Variants in VTI1A observed in about 807,000 individuals in gnomAD.
The protein encoded by VTI1A is vesicle transport through interaction with t-SNAREs 1A.
In VTI1A, 22 loss-of-function variants were observed where a neutral mutation model predicts 34.9. The ratio of observed to expected loss-of-function variants is 0.63; its 90% CI spans 0.45 to 0.90. The LOEUF is 0.90. Ranked by LOEUF, VTI1A falls within the 40% of genes least tolerant of loss-of-function variation. The pLI, the probability that VTI1A is intolerant of heterozygous loss-of-function variation, is 0.00. For missense variants in VTI1A, 268 were observed against 275.6 expected, an observed-to-expected ratio of 0.97 and a Z score of 0.20; for synonymous variants, 87 against 97.3, an observed-to-expected ratio of 0.89 and a Z score of 0.62.
At chr10:112,561,570 G>A (rs561903138) in intron 5 of VTI1A, among the ~76,000 whole-genome samples, 1 of 152,126 alleles carries the variant, frequency 6.6e-6, no homozygotes, top group African/African-American at 2.4e-5. Context: ...TCAACATGAA[G>A]CTGTAAGCAT....
intron 5 of VTI1A, among the ~76,000 whole-genome samples, chr10:112,581,590 A>G (rs1042552751): frequency 6.6e-6 from 1 of 152,212 alleles, no homozygotes; most frequent in Non-Finnish European, 1.5e-5. Context: ...TATTAATAGT[A>G]AGCTCTTGAT....
At chr10:112,845,896 T>C in the VTI1A span, among the ~76,000 whole-genome samples, 6 of 152,096 alleles carry the variant, frequency 3.9e-5, no homozygotes, top group Admixed American at 3.9e-4. Context: ...CACGCACCTG[T>C]AATCCCAGCT....
chr10:112,814,091 A>G (rs1853421652), intron 7 of VTI1A, among the ~76,000 whole-genome samples: 1 of 152,220 alleles, frequency 6.6e-6, no homozygotes, highest in African/African-American at 2.4e-5. Context: ...TCATCCTTCC[A>G]GGAAATAAAC....
chr10:112,545,993 C>CGTGTATACACGTATGTGTGTGTATATAT (rs1851077521), intron 5 of VTI1A, among the ~76,000 whole-genome samples: 5 of 140,368 alleles, frequency 3.6e-5, no homozygotes, highest in African/African-American at 1.2e-4. Flanking sequence ...TGTGTATATA[C>CGTGTATACACGTATGTGTGTGTATATAT]GTGTATACGC....
At chr10:112,530,167 C>G (rs1308709531) in intron 4 of VTI1A, among the ~76,000 whole-genome samples, 1 of 152,070 alleles carries the variant, frequency 6.6e-6, no homozygotes, top group African/African-American at 2.4e-5. Flanking sequence ...TTCATTCAAT[C>G]AAATATAGCT....
intron 5 of VTI1A, chr10:112,634,217 C>T (rs1424025556): frequency 6.5e-6 from 1 of 154,616 alleles, no homozygotes; most frequent in African/African-American, 2.4e-5. Flanking sequence ...AAGACCACTT[C>T]GGTTCAAGGC....
the VTI1A span, among the ~76,000 whole-genome samples, chr10:112,843,438 G>A: frequency 1.3e-5 from 2 of 152,202 alleles, no homozygotes; most frequent in Non-Finnish European, 2.9e-5. Flanking sequence ...AAGGTGGTAC[G>A]ACTGATTAGC....
chr10:112,520,699 T>C (rs1234741714), intron 3 of VTI1A, among the ~76,000 whole-genome samples: 1 of 149,930 alleles, frequency 6.7e-6, no homozygotes, highest in Non-Finnish European at 1.5e-5. Flanking sequence ...CATATAAATA[T>C]TCACATATGA....
At chr10:112,666,140 T>C (rs552483809) in intron 5 of VTI1A, among the ~76,000 whole-genome samples, 21 of 152,264 alleles carry the variant, frequency 1.4e-4, no homozygotes, top group Middle Eastern at 3.4e-3. Flanking sequence ...TTCCTCCTTC[T>C]CCATTATTGA....
At chr10:112,533,176 G>T (rs1033844834) in intron 4 of VTI1A, among the ~76,000 whole-genome samples, 1 of 151,950 alleles carries the variant, frequency 6.6e-6, no homozygotes, top group African/African-American at 2.4e-5. Context: ...CTCTTCAATG[G>T]TACATTCTTA....
intron 5 of VTI1A, among the ~76,000 whole-genome samples, chr10:112,604,366 C>T (rs925506139): frequency 1.3e-5 from 2 of 152,190 alleles, no homozygotes; most frequent in Non-Finnish European, 2.9e-5. Context: ...AGTCAGTGCA[C>T]AATCAATTAT....
chr10:112,758,350 G>C (rs553781166), intron 7 of VTI1A, among the ~76,000 whole-genome samples: 1 of 152,190 alleles, frequency 6.6e-6, no homozygotes, highest in African/African-American at 2.4e-5. Flanking sequence ...CACCACCTAT[G>C]TCTACCCCTC....
At position 112,538,118 on chromosome 10, in the gene VTI1A, T is replaced by C. The variant is rs1850715711; in HGVS notation, c.343-128T>C. On this transcript the variant is annotated intron_variant, in intron 4 of 7. Coordinates refer to ENST00000393077, the MANE Select transcript of VTI1A (RefSeq NM_145206.4). ...CCTATAATGGAAAATTTGCTAAAAA[T>C]TAACTGTAATGGGTTGCGAACCCCC... 1.0e-5 allele frequency: 7 copies of C among 697,500 alleles called. No homozygotes were observed. In the South Asian group the frequency reaches 1.3e-4, roughly 13 times the overall value. The allele number at this position is 697,500 out of a possible 1,614,324, so 43.2% of individuals were successfully genotyped here. A position where few individuals can be genotyped will look rare whatever the true frequency, so the allele number is the denominator to read the frequency against.
intron 7 of VTI1A, among the ~76,000 whole-genome samples, chr10:112,765,192 A>ATGTTTTGTTT (rs72146474): frequency 0.084 from 12,737 of 151,742 alleles, 606 homozygotes; most frequent in Admixed American, 0.12. Flanking sequence ...ACTAGTTTGT[A>ATGTTTTGTTT]TGTTTTGTTT....
intron 3 of VTI1A, among the ~76,000 whole-genome samples, chr10:112,497,760 T>G (rs1223681023): frequency 6.6e-6 from 1 of 152,208 alleles, no homozygotes; most frequent in East Asian, 1.9e-4. Context: ...TGACACCATT[T>G]AATTACTGAT....
At position 112,718,661 on chromosome 10, in the gene VTI1A, AG is replaced by A. The variant is rs1386763796; in HGVS notation, c.560+49664del. Among the ~76,000 whole-genome samples, 5 of 152,340 alleles carry A rather than the reference AG, an allele frequency of 3.3e-5. No homozygotes were observed. In the East Asian group the frequency reaches 9.6e-4, roughly 29 times the overall value. On this transcript the variant is annotated intron_variant, in intron 7 of 7. Coordinates refer to ENST00000393077, the MANE Select transcript of VTI1A (RefSeq NM_145206.4). ...ATTCTGAAATCCCTTCTCATTCAAG[AG>A]TTATCCAAGCAAATAGTGTTGACCA...
chr10:112,785,456 G>A (rs902433309), intron 7 of VTI1A, among the ~76,000 whole-genome samples: 3 of 152,008 alleles, frequency 2.0e-5, no homozygotes, highest in Non-Finnish European at 4.4e-5. Context: ...CCACTCTATG[G>A]CTTGTCTTTT....
At chr10:112,640,280 T>C (rs1452054939) in intron 5 of VTI1A, among the ~76,000 whole-genome samples, 3 of 152,326 alleles carry the variant, frequency 2.0e-5, no homozygotes, top group African/African-American at 7.2e-5. Context: ...TAAAATATTA[T>C]CTATCTATGA....
chr10:112,694,217 A>AT (rs891037804), intron 7 of VTI1A, among the ~76,000 whole-genome samples: 22 of 152,002 alleles, frequency 1.4e-4, no homozygotes, highest in African/African-American at 5.1e-4. Context: ...AAAAATATAT[A>AT]TTTTTTATCT....
Sources: allele counts gnomAD v4.1 joint callset (sites outside exome capture counted in the v4.1 genomes callset), GRCh38; gene constraint gnomAD v4.1.1; transcripts MANE v1.5; gene names NCBI Gene and HGNC (gene_info 2026-07-23, HGNC 2026-07-21).